The following COL4A2 variants were observed in gnomAD, a reference collection of about 807,000 sequenced individuals.
COL4A2 encodes collagen type IV alpha 2 chain, also known as collagen alpha-2(IV) chain.
In COL4A2, 99 loss-of-function variants were observed where a neutral mutation model predicts 200.2. The observed-to-expected ratio is 0.49, with a 90% CI of 0.42 to 0.58. The LOEUF (loss-of-function observed/expected upper bound fraction) is 0.58. COL4A2 is among the 20% of genes least tolerant of loss of function. The probability of loss-of-function intolerance (pLI) is 0.00; values close to 1 mark genes in which losing one functional copy is unlikely to be tolerated. For synonymous variants in COL4A2, 897 were observed against 900.6 expected (o/e 1.00, Z 0.07); for missense variants, 1,950 against 2,314.1 (o/e 0.84, Z 3.23).
rs116126362 is a variant in COL4A2, at chr13:110,445,493, A to C, written c.958-336A>C. ...GTGAGACTGACTGCAGCCCACCACA[A>C]AGAACATCTGCAGCACAGATGACCC... On this transcript the variant is annotated intron_variant, in intron 16 of 47. Coordinates refer to ENST00000360467, the MANE Select transcript of COL4A2 (RefSeq NM_001846.4). Among the ~76,000 whole-genome samples the C allele has an allele frequency of 7.0e-3, 1,064 of 152,318 alleles. 8 individuals carry two copies. Among genetic ancestry groups the C allele is most frequent in the African/African-American group, 0.022 (911 of 41,574 alleles).
intron 4 of COL4A2, among the ~76,000 whole-genome samples, chr13:110,417,711 A>G (rs1394985562): frequency 6.6e-6 from 1 of 152,220 alleles, no homozygotes; most frequent in South Asian, 2.1e-4. Context: ...AGCATCAGAC[A>G]GTAAGTAGCA....
intron 3 of COL4A2, among the ~76,000 whole-genome samples, chr13:110,338,176 T>C (rs1030650714): frequency 6.6e-6 from 1 of 152,216 alleles, no homozygotes; most frequent in Non-Finnish European, 1.5e-5. Context: ...ATTTCACTAG[T>C]TGTTTCTAAT....
chr13:110,328,392 G>A (rs948668628), intron 3 of COL4A2: 2 of 152,120 alleles, frequency 1.3e-5, no homozygotes, highest in African/African-American at 4.8e-5. Context: ...CTCTGGCTTG[G>A]CATGGGAGAA....
chr13:110,395,793 A>C (rs1435340534), intron 4 of COL4A2, among the ~76,000 whole-genome samples: 1 of 152,134 alleles, frequency 6.6e-6, no homozygotes, highest in Non-Finnish European at 1.5e-5. Context: ...AAAAATATAA[A>C]AATTAGCCAG....
At chr13:110,472,055 G>C (rs1237354058) in intron 28 of COL4A2, among the ~76,000 whole-genome samples, 1 of 152,028 alleles carries the variant, frequency 6.6e-6, no homozygotes, top group Non-Finnish European at 1.5e-5. Flanking sequence ...ACCCACAAAA[G>C]ACACAGGACA....
chr13:110,488,880 C>T (rs1388611603), intron 34 of COL4A2, among the ~76,000 whole-genome samples: 1 of 152,172 alleles, frequency 6.6e-6, no homozygotes, highest in Non-Finnish European at 1.5e-5. Context: ...GCCACTGATG[C>T]TCTTCATTAT....
Position 110,424,787 on chromosome 13 carries a change from A to G in COL4A2, c.234A>G (p.Gln78=). 1 of 1,612,630 alleles carries G rather than the reference A, an allele frequency of 6.2e-7. No homozygotes were observed. Among genetic ancestry groups the G allele is most frequent in the African/African-American group, 1.3e-5 (1 of 75,032 alleles). The part of the protein sequence containing the change: ...PQGYNGPPGL[Q]GFPGLQGRKG... ...GGTACAATGGGCCACCAGGATTACA[A>G]GGATTCCCGGGACTGCAGGGACGTA... Residue 78 remains glutamine, a synonymous_variant, in exon 5 of 48, where the codon CAA becomes CAG. Coordinates refer to ENST00000360467, the MANE Select transcript of COL4A2 (RefSeq NM_001846.4).
chr13:110,362,199 ATAACTT>A (rs1448670749), intron 4 of COL4A2, among the ~76,000 whole-genome samples: 1 of 152,248 alleles, frequency 6.6e-6, no homozygotes, highest in Admixed American at 6.5e-5. Context: ...GGATTAAAAA[ATAACTT>A]TAACAAATGA....
rs759465364 is a variant in COL4A2 at position 110,439,853 on chromosome 13, T to C, written c.957+20T>C. The C allele has an allele frequency of 7.4e-6, 12 of 1,613,740 alleles. No homozygotes were observed. The highest frequency in any genetic ancestry group is 1.0e-5 in the Non-Finnish European group (12 of 1,179,918). ...CAGAAGGTAAGTTGGATGCATGAAC[T>C]GCAGTCTGCTCTGGGCCCACGACAT... is the stretch of plus-strand genomic sequence containing the variant. On this transcript the variant is annotated intron_variant, in intron 16 of 47. Transcript: ENST00000360467.
chr13:110,465,523 G>A lies in COL4A2; in HGVS notation c.1895G>A (p.Arg632His), dbSNP rs543519112. 33 of 1,614,042 alleles carry A rather than the reference G, an allele frequency of 2.0e-5. No homozygotes were observed. The highest frequency in any genetic ancestry group is 1.6e-4 in the East Asian group (7 of 44,876). The change falls in exon 25 of 48, where the codon CGT (arginine) becomes CAT (histidine). Residue 632 changes from arginine to histidine, a missense_variant. Arg to His is a conservative substitution (Grantham distance 29). Around this residue, in one of 2 missense-constraint regions of COL4A2, gnomAD observed 1,385 missense variants for 1,720.5 expected, o/e 0.80. Transcript: ENST00000360467. ...GLGLPGLKGQ[R>H]GFPGDAGLPG... ...GGCCTTCCCGGCCTCAAAGGCCAAC[G>A]TGGTTTCCCTGGAGACGCCGGCTTA...
At chr13:110,475,140 G>A (rs1882661605) in intron 29 of COL4A2, among the ~76,000 whole-genome samples, 1 of 152,274 alleles carries the variant, frequency 6.6e-6, no homozygotes, top group African/African-American at 2.4e-5. Context: ...AGCTAGAGCA[G>A]GTTGTTGGGT....
At chr13:110,509,094 T>C (rs1053778451) in intron 47 of COL4A2, among the ~76,000 whole-genome samples, 1 of 151,860 alleles carries the variant, frequency 6.6e-6, no homozygotes, top group African/African-American at 2.4e-5. Context: ...CTAACCATGG[T>C]AAATCAGGGA....
intron 20 of COL4A2, among the ~76,000 whole-genome samples, chr13:110,452,183 G>A (rs1163141325): frequency 2.0e-5 from 3 of 152,158 alleles, no homozygotes; most frequent in African/African-American, 4.8e-5. Context: ...ACCCAGGCTG[G>A]AGTGCAGTGG....
chr13:110,328,195 A>G (rs1875718900), intron 3 of COL4A2, among the ~76,000 whole-genome samples: 1 of 152,244 alleles, frequency 6.6e-6, no homozygotes, highest in Non-Finnish European at 1.5e-5. Flanking sequence ...GCAAAAATCA[A>G]ACGTTCTTGA....
rs191746036 is a variant in COL4A2, at chr13:110,491,385, C to T, written c.3454+45C>T. The T allele has an allele frequency of 1.3e-4, 166 of 1,309,816 alleles. 2 individuals carry two copies. In the Admixed American group the frequency reaches 2.7e-3, roughly 21 times the overall value. 81.1% of individuals were successfully genotyped at this position (1,309,816 alleles called of 1,614,324 possible). A position where few individuals can be genotyped will look rare whatever the true frequency, so the allele number is the denominator to read the frequency against. ...CACAGCCTTCCTCAGGCAGGCCCTCCGGAGACCCCAGAACAAAGGCGGTCA... is the reference window on the plus strand; with the variant it reads ...CACAGCCTTCCTCAGGCAGGCCCTCTGGAGACCCCAGAACAAAGGCGGTCA... On this transcript the variant is annotated intron_variant, in intron 37 of 47. Coordinates refer to ENST00000360467, the MANE Select transcript of COL4A2 (RefSeq NM_001846.4).
At chr13:110,510,346 C>T (rs1290802644) in intron 47 of COL4A2, among the ~76,000 whole-genome samples, 4 of 152,248 alleles carry the variant, frequency 2.6e-5, no homozygotes, top group African/African-American at 9.6e-5. Context: ...TCGGTGGCCT[C>T]TCTCAAAGCT....
chr13:110,472,142 A>G (rs202077059), intron 28 of COL4A2, among the ~76,000 whole-genome samples: 107 of 87,096 alleles, frequency 1.2e-3, no homozygotes, highest in African/African-American at 2.8e-3. Context: ...TTGAGATGGA[A>G]TCTCACTCTG....
intron 28 of COL4A2, among the ~76,000 whole-genome samples, chr13:110,469,623 A>C (rs774624134): frequency 2.6e-5 from 4 of 152,210 alleles, no homozygotes; most frequent in Non-Finnish European, 5.9e-5. Context: ...ATAATGATTA[A>C]TATTAAACAT....
intron 4 of COL4A2, among the ~76,000 whole-genome samples, chr13:110,381,339 C>T (rs1878484815): frequency 6.6e-6 from 1 of 152,250 alleles, no homozygotes; most frequent in African/African-American, 2.4e-5. Flanking sequence ...GGCTCTCACG[C>T]CCAGCACTCT....
Sources: allele counts gnomAD v4.1 joint callset (sites outside exome capture counted in the v4.1 genomes callset), GRCh38; gene constraint gnomAD v4.1.1; regional missense constraint gnomAD v4.1.1; transcripts MANE v1.5; gene names NCBI Gene and HGNC (gene_info 2026-07-23, HGNC 2026-07-21).